MAD1L1: variants seen among roughly 807,000 people sequenced by gnomAD.
MAD1L1 encodes mitotic arrest deficient 1 like 1.
In MAD1L1, 95 loss-of-function variants were observed where a neutral mutation model predicts 96.9. The ratio of observed to expected loss-of-function variants is 0.98; its 90% CI spans 0.83 to 1.16. MAD1L1 has a LOEUF of 1.16. Ranked by LOEUF, MAD1L1 falls within the 50% of genes most tolerant of loss-of-function variation. MAD1L1 has a pLI of 0.00. For missense variants in MAD1L1, 1,007 were observed against 954.4 expected, an observed-to-expected ratio of 1.06 and a Z score of -0.73; for synonymous variants, 473 against 396.6, an observed-to-expected ratio of 1.19 and a Z score of -2.29.
intron 18 of MAD1L1, among the ~76,000 whole-genome samples, chr7:1,871,366 G>GCCTGCCACGCTGAACCCACCGTAACA (rs1785083961): frequency 7.9e-6 from 1 of 126,224 alleles, no homozygotes; most frequent in Non-Finnish European, 1.6e-5. Flanking sequence ...CCCAACATAT[G>GCCTGCCACGCTGAACCCACCGTAACA]CCTGCCACGC....
intron 16 of MAD1L1, among the ~76,000 whole-genome samples, chr7:1,943,337 AG>A (rs1273523232): frequency 6.6e-6 from 1 of 152,240 alleles, no homozygotes; most frequent in Non-Finnish European, 1.5e-5. Context: ...ACAGAATGGG[AG>A]AAAATGTCTG....
At chr7:1,824,584 G>A (rs983194451) in intron 18 of MAD1L1, among the ~76,000 whole-genome samples, 2 of 152,272 alleles carry the variant, frequency 1.3e-5, no homozygotes, top group South Asian at 2.1e-4. Context: ...CAGCAGGACT[G>A]GTTGTCTGCC....
At chr7:2,085,628 GGCCAGTCCCT>G (rs138204530) in intron 11 of MAD1L1, among the ~76,000 whole-genome samples, 3,833 of 152,214 alleles carry the variant, frequency 0.025, 78 homozygotes, top group Middle Eastern at 0.054. Flanking sequence ...ATGTCTTCAA[GGCCAGTCCCT>G]GCTGCAGCAT....
At chr7:2,176,481 T>TA (rs1790954142) in intron 10 of MAD1L1, among the ~76,000 whole-genome samples, 2 of 152,042 alleles carry the variant, frequency 1.3e-5, no homozygotes, top group Non-Finnish European at 2.9e-5. Flanking sequence ...AATAATGTGA[T>TA]AAAAAAGAAA....
intron 18 of MAD1L1, among the ~76,000 whole-genome samples, chr7:1,872,154 G>C: frequency 6.6e-6 from 1 of 152,202 alleles, no homozygotes; most frequent in African/African-American, 2.4e-5. Flanking sequence ...TCCCGCGACA[G>C]AGAGGCTGAC....
chr7:1,869,935 C>G (rs557985573), intron 18 of MAD1L1, among the ~76,000 whole-genome samples: 1 of 152,296 alleles, frequency 6.6e-6, no homozygotes, highest in Non-Finnish European at 1.5e-5. Context: ...CGGGGTCCAA[C>G]AGGCGGCTGG....
chr7:1,844,917 G>A (rs1009809883), intron 18 of MAD1L1, among the ~76,000 whole-genome samples: 1 of 152,244 alleles, frequency 6.6e-6, no homozygotes, highest in African/African-American at 2.4e-5. Flanking sequence ...GAGACAGTAT[G>A]CTGCTGGTCA....
At chr7:2,004,188 C>G (rs759834584) in intron 13 of MAD1L1, among the ~76,000 whole-genome samples, 1 of 152,228 alleles carries the variant, frequency 6.6e-6, no homozygotes, top group Non-Finnish European at 1.5e-5. Context: ...GCAGCCCAAA[C>G]AGGGGGGACG....
At chr7:1,885,887 C>A (rs1193737840) in intron 18 of MAD1L1, among the ~76,000 whole-genome samples, 1 of 151,884 alleles carries the variant, frequency 6.6e-6, no homozygotes, top group Non-Finnish European at 1.5e-5. Flanking sequence ...CAGGCAGACA[C>A]CCCAGCAGGG....
intron 11 of MAD1L1, among the ~76,000 whole-genome samples, chr7:2,109,828 A>C (rs1229096488): frequency 1.3e-5 from 2 of 152,264 alleles, no homozygotes; most frequent in Non-Finnish European, 2.9e-5. Flanking sequence ...TTTAGGAATT[A>C]AGATTCATAT....
intron 16 of MAD1L1, among the ~76,000 whole-genome samples, chr7:1,954,239 G>C (rs1779628314): frequency 1.3e-5 from 2 of 152,170 alleles, no homozygotes; most frequent in African/African-American, 4.8e-5. Context: ...CCCCCCAGGA[G>C]CCATCACCGG....
intron 17 of MAD1L1, among the ~76,000 whole-genome samples, chr7:1,916,564 T>C (rs565626624): frequency 6.6e-6 from 1 of 152,146 alleles, no homozygotes; most frequent in East Asian, 1.9e-4. Flanking sequence ...CAGCAGACAG[T>C]GAGCCCTCAA....
intron 16 of MAD1L1, among the ~76,000 whole-genome samples, chr7:1,938,616 T>A (rs1349075007): frequency 6.6e-6 from 1 of 152,070 alleles, no homozygotes; most frequent in African/African-American, 2.4e-5. Flanking sequence ...ACCAAGGGCA[T>A]GTCAGACAAC....
At chr7:2,037,434 G>C (rs894337939) in intron 12 of MAD1L1, among the ~76,000 whole-genome samples, 1 of 151,834 alleles carries the variant, frequency 6.6e-6, no homozygotes, top group Non-Finnish European at 1.5e-5. Flanking sequence ...TCCTGCCTTC[G>C]GCGAGGCACC....
chr7:2,144,483 G>A (rs115770126), intron 11 of MAD1L1, among the ~76,000 whole-genome samples: 8 of 152,180 alleles, frequency 5.3e-5, no homozygotes, highest in Non-Finnish European at 7.4e-5. Context: ...ATCCCTGCCC[G>A]AGCTTCCCAG....
intron 10 of MAD1L1, among the ~76,000 whole-genome samples, chr7:2,179,045 CAT>C (rs761039745): frequency 3.3e-5 from 5 of 152,088 alleles, no homozygotes; most frequent in Non-Finnish European, 7.4e-5. Context: ...TTCACTCCAC[CAT>C]AAAAGCAACA....
chr7:1,975,781 A>C lies in MAD1L1; in HGVS notation c.1505+4672T>G, dbSNP rs182652773. ...GTCATGGGTCACCTCTCGTCCCCTGAGGCAGGCCGGCGTCTCCAGGGCCCC... is the reference window on the plus strand; with the variant it reads ...GTCATGGGTCACCTCTCGTCCCCTGCGGCAGGCCGGCGTCTCCAGGGCCCC... On this transcript the variant is annotated intron_variant, in intron 15 of 18. Coordinates refer to ENST00000265854, the MANE Select transcript of MAD1L1 (RefSeq NM_001013836.2). 1.2e-4 allele frequency among the ~76,000 whole-genome samples: 19 copies of C among 152,208 alleles called. No homozygotes were observed. In the East Asian group the frequency reaches 3.5e-3, roughly 28 times the overall value.
chr7:2,115,329 C>A (rs1416455272), intron 11 of MAD1L1, among the ~76,000 whole-genome samples: 3 of 147,980 alleles, frequency 2.0e-5, no homozygotes, highest in African/African-American at 7.6e-5. Context: ...AGGGTCCCCA[C>A]GTGTTCCGGG....
chr7:2,086,207 T>G (rs1785912776), intron 11 of MAD1L1, among the ~76,000 whole-genome samples: 1 of 152,198 alleles, frequency 6.6e-6, no homozygotes, highest in Non-Finnish European at 1.5e-5. Flanking sequence ...ACAAGATGCC[T>G]GGTAGGGAAG....
Sources: allele counts gnomAD v4.1 joint callset (sites outside exome capture counted in the v4.1 genomes callset), GRCh38; gene constraint gnomAD v4.1.1; transcripts MANE v1.5; gene names NCBI Gene and HGNC (gene_info 2026-07-23, HGNC 2026-07-21).